GRIP1: variants seen among roughly 807,000 people sequenced by gnomAD.
GRIP1 encodes glutamate receptor interacting protein 1, also known as glutamate receptor-interacting protein 1.
A neutral mutation model predicts 129.9 loss-of-function variants in GRIP1; 45 were observed. That is an observed-to-expected ratio of 0.35 (90% CI 0.27 to 0.44). The LOEUF (loss-of-function observed/expected upper bound fraction) is 0.44. GRIP1 is among the 20% of genes least tolerant of loss of function. The pLI is 1.00. For missense variants in GRIP1, 1,196 were observed against 1,396.8 expected (o/e 0.86, Z 2.29); for synonymous variants, 530 against 520.8 (o/e 1.02, Z -0.24).
chr12:66,759,288 G>A (rs920756673), intron 1 of GRIP1, among the ~76,000 whole-genome samples: 1 of 152,150 alleles, frequency 6.6e-6, no homozygotes, highest in Admixed American at 6.5e-5. Flanking sequence ...TTCTACATTG[G>A]CCCCTTTCAC....
At chr12:67,031,395 G>A (rs145389794) in intron 1 of GRIP1, among the ~76,000 whole-genome samples, 184 of 152,056 alleles carry the variant, frequency 1.2e-3, no homozygotes, top group African/African-American at 4.0e-3. Context: ...TTCATCACCC[G>A]AAGACAGTCA....
chr12:67,058,465 T>C (rs1338882643), intron 1 of GRIP1, among the ~76,000 whole-genome samples: 1 of 152,224 alleles, frequency 6.6e-6, no homozygotes, highest in Non-Finnish European at 1.5e-5. Context: ...ATTCTAAACA[T>C]CTTTATTCAA....
chr12:66,957,419 T>C (rs1372240921), intron 1 of GRIP1, among the ~76,000 whole-genome samples: 2 of 106,988 alleles, frequency 1.9e-5, no homozygotes, highest in Non-Finnish European at 3.5e-5. Flanking sequence ...TTTAATCTAA[T>C]ATATATATAT....
intron 1 of GRIP1, among the ~76,000 whole-genome samples, chr12:66,896,199 G>A (rs1046425559): frequency 6.6e-6 from 1 of 152,142 alleles, no homozygotes; most frequent in Non-Finnish European, 1.5e-5. Context: ...TGGGATGACT[G>A]GAGGACATTT....
intron 2 of GRIP1, among the ~76,000 whole-genome samples, chr12:66,583,049 C>A (rs965826775): frequency 9.1e-4 from 138 of 151,168 alleles, no homozygotes; most frequent in African/African-American, 3.0e-3. Flanking sequence ...GTACTGGTAC[C>A]AAAACAGAGA....
intron 1 of GRIP1, among the ~76,000 whole-genome samples, chr12:66,946,071 G>A (rs1348616083): frequency 6.6e-6 from 1 of 152,166 alleles, no homozygotes; most frequent in Non-Finnish European, 1.5e-5. Context: ...GTGAGCAAGA[G>A]AGGTTACTGC....
intron 1 of GRIP1, among the ~76,000 whole-genome samples, chr12:66,887,761 A>G (rs2040589712): frequency 6.6e-6 from 1 of 152,210 alleles, no homozygotes; most frequent in Non-Finnish European, 1.5e-5. Context: ...TCAATATACT[A>G]AAAGAAACAG....
intron 14 of GRIP1, among the ~76,000 whole-genome samples, chr12:66,432,024 T>C (rs540450393): frequency 1.3e-5 from 2 of 152,292 alleles, no homozygotes; most frequent in East Asian, 3.9e-4. Flanking sequence ...GATGGGAAGA[T>C]AGTCTTAAAA....
intron 1 of GRIP1, among the ~76,000 whole-genome samples, chr12:66,764,984 T>C (rs185359555): frequency 9.1e-4 from 139 of 152,338 alleles, no homozygotes; most frequent in African/African-American, 3.1e-3. Flanking sequence ...CTTTATGAAG[T>C]AGGCTCTATT....
At chr12:66,950,903 A>C (rs1179928848) in intron 1 of GRIP1, among the ~76,000 whole-genome samples, 1 of 152,210 alleles carries the variant, frequency 6.6e-6, no homozygotes, top group Non-Finnish European at 1.5e-5. Context: ...AGAAAGTGCT[A>C]TGATGTGTTG....
intron 2 of GRIP1, among the ~76,000 whole-genome samples, chr12:66,592,068 A>G (rs766065415): frequency 2.6e-5 from 4 of 152,236 alleles, no homozygotes; most frequent in Non-Finnish European, 5.9e-5. Flanking sequence ...AAAAAATTAC[A>G]CAAATGAAGC....
At chr12:66,618,956 G>C (rs1188336352) in intron 1 of GRIP1, among the ~76,000 whole-genome samples, 1 of 152,050 alleles carries the variant, frequency 6.6e-6, no homozygotes, top group Non-Finnish European at 1.5e-5. Flanking sequence ...ATTCGAACTC[G>C]TATTATTCTG....
chr12:66,948,484 G>A (rs989542018), intron 1 of GRIP1, among the ~76,000 whole-genome samples: 1 of 152,212 alleles, frequency 6.6e-6, no homozygotes, highest in Non-Finnish European at 1.5e-5. Flanking sequence ...CAAGATGAAT[G>A]AGTGATGAAG....
chr12:66,393,232 C>CTTGGCT (rs1329346173), intron 17 of GRIP1, among the ~76,000 whole-genome samples: 1 of 121,374 alleles, frequency 8.2e-6, no homozygotes, highest in Non-Finnish European at 1.6e-5. Context: ...AGGCTGGAGT[C>CTTGGCT]CAGTGGCACG....
chr12:66,777,931 AT>A (rs2038037953), intron 1 of GRIP1, among the ~76,000 whole-genome samples: 1 of 152,048 alleles, frequency 6.6e-6, no homozygotes, highest in African/African-American at 2.4e-5. Context: ...TCTCAGTGTA[AT>A]CCATTATAGT....
At chr12:66,700,818 C>A (rs1191251031) in intron 1 of GRIP1, among the ~76,000 whole-genome samples, 1 of 152,100 alleles carries the variant, frequency 6.6e-6, no homozygotes, top group Non-Finnish European at 1.5e-5. Flanking sequence ...GTATGACTGA[C>A]AGAACTTAGG....
At chr12:66,653,532 T>C (rs1203075885) in intron 1 of GRIP1, among the ~76,000 whole-genome samples, 1 of 152,236 alleles carries the variant, frequency 6.6e-6, no homozygotes, top group Non-Finnish European at 1.5e-5. Context: ...CAGTATTGCC[T>C]TATCTTCAGT....
At position 66,629,601 on chromosome 12, in the gene GRIP1, C is replaced by T. The variant is rs554930709; in HGVS notation, c.56-32674G>A. Among the ~76,000 whole-genome samples the T allele has an allele frequency of 1.5e-4, 23 of 152,284 alleles. No individual in the cohort carries two copies. The South Asian group carries it at 4.4e-3, about 29-fold the overall frequency. ...CACAGAAGTCAATTTCTGGAAGGGA[C>T]ACAATGTAAAAACACAGGGAAAAGA... On this transcript the variant is annotated intron_variant, in intron 1 of 24. Coordinates refer to ENST00000359742, the MANE Select transcript of GRIP1 (RefSeq NM_001366722.1).
intron 1 of GRIP1, among the ~76,000 whole-genome samples, chr12:66,938,323 C>T (rs1376213639): frequency 3.9e-5 from 6 of 152,012 alleles, no homozygotes; most frequent in Non-Finnish European, 5.9e-5. Flanking sequence ...CACAGTGAGA[C>T]GAGATCATGC....
Sources: gnomAD v4.1 joint callset for allele counts (sites outside exome capture counted in the v4.1 genomes callset) on GRCh38, gnomAD v4.1.1 for gene constraint, MANE v1.5 for transcripts, NCBI Gene and HGNC (gene_info 2026-07-23, HGNC 2026-07-21) for gene names.